Variants in SH3TC1 observed in about 807,000 individuals in gnomAD.
SH3TC1 encodes the protein SH3 domain and tetratricopeptide repeat-containing protein 1.
SH3TC1 carries 135 observed loss-of-function variants against 117.3 expected under a neutral mutation model. The observed-to-expected ratio is 1.15, with a 90% confidence interval of 1.00 to 1.33. SH3TC1 has a LOEUF of 1.33. Among genes scored for constraint, SH3TC1 ranks in the 40% most tolerant of loss-of-function variants. The pLI is 0.00. For missense variants in SH3TC1, 2,092 were observed against 1,794.3 expected (o/e 1.17, Z -3.00); for synonymous variants, 898 against 816.9 (o/e 1.10, Z -1.69).
intron 7 of SH3TC1, among the ~76,000 whole-genome samples, chr4:8,217,993 C>T (rs114501071): frequency 0.013 from 1,926 of 152,276 alleles, 35 homozygotes; most frequent in South Asian, 0.049. Flanking sequence ...TGGAGGTCTG[C>T]AGGGTTCCAG....
intron 2 of SH3TC1, among the ~76,000 whole-genome samples, chr4:8,207,318 G>A (rs571511328): frequency 6.6e-6 from 1 of 152,336 alleles, no homozygotes; most frequent in South Asian, 2.1e-4. Context: ...GTCTCTGGCT[G>A]GTGACGCTAA....
chr4:8,205,060 G>A lies in SH3TC1; in HGVS notation c.-28-107G>A, dbSNP rs1040665124. ...GGCTCGCTGGATCTGAAAGGTGCAG[G>A]CGCTCAGCAACGCTGGTGTTCTCTT... On this transcript the variant is annotated intron_variant, in intron 1 of 17. Transcript: ENST00000245105. The surrounding 1 kb of genome is among the most constrained non-coding windows in gnomAD (Gnocchi z 5.4). 6.8e-6 allele frequency: 6 copies of A among 884,870 alleles called. No individual in the cohort carries two copies. In the South Asian group the frequency reaches 1.1e-4, roughly 16 times the overall value. 54.8% of individuals were successfully genotyped at this position (884,870 alleles called of 1,614,324 possible). A position where few individuals can be genotyped will look rare whatever the true frequency, so the allele number is the denominator to read the frequency against.
chr4:8,218,849 G>A (rs889251544), intron 8 of SH3TC1, among the ~76,000 whole-genome samples: 4 of 152,206 alleles, frequency 2.6e-5, no homozygotes, highest in Non-Finnish European at 5.9e-5. Flanking sequence ...CTTGGATGCC[G>A]GGTCCAGCGC....
At chr4:8,235,830 A>C in intron 15 of SH3TC1, 1 of 390,408 alleles carries the variant, frequency 2.6e-6, no homozygotes, top group Non-Finnish European at 4.5e-6. Flanking sequence ...CAGATGAGGA[A>C]ACTGAGGCTC....
chr4:8,230,118 C>T (rs1383852865), intron 12 of SH3TC1, among the ~76,000 whole-genome samples: 1 of 152,190 alleles, frequency 6.6e-6, no homozygotes, highest in Non-Finnish European at 1.5e-5. Flanking sequence ...TACTTGTGGT[C>T]ATTTTTGAGT....
intron 14 of SH3TC1, among the ~76,000 whole-genome samples, chr4:8,234,871 C>A (rs1479546392): frequency 1.3e-5 from 2 of 152,250 alleles, no homozygotes; most frequent in African/African-American, 4.8e-5. Flanking sequence ...AATCTCCTTA[C>A]AAAATGCATC....
chr4:8,216,246 T>G lies in SH3TC1; in HGVS notation c.617T>G (p.Leu206Arg), dbSNP rs1452713137. 6.2e-7 allele frequency: 1 copy of G among 1,613,474 alleles called. No homozygotes were observed. The highest frequency in any genetic ancestry group is 1.1e-5 in the South Asian group (1 of 91,012). Residue 206 changes from leucine to arginine, a missense_variant, in exon 6 of 18, where the codon CTC (leucine) becomes CGC (arginine). By Grantham distance (102) the Leu-to-Arg change is moderately radical. Transcript: ENST00000245105. Reference sequence around the variant, plus strand: ...TTAAGGCTGACCCACGAGAGCCTCCTCATCCAAGAAGGTGAGCGTTGCATG... The same window carrying G: ...TTAAGGCTGACCCACGAGAGCCTCCGCATCCAAGAAGGTGAGCGTTGCATG... Reference protein sequence around the residue: ...NALRLTHESLLIQEGPFFVLC... With the variant: ...NALRLTHESLRIQEGPFFVLC...
At chr4:8,201,357 TTGG>T (rs1717827115) in intron 1 of SH3TC1, 1 of 152,372 alleles carries the variant, frequency 6.6e-6, no homozygotes, top group Non-Finnish European at 1.5e-5. Context: ...ACACCGGGGT[TTGG>T]CCCCACGTCT....
At chr4:8,191,310 G>A (rs759290426) in intron 1 of SH3TC1, among the ~76,000 whole-genome samples, 14 of 152,170 alleles carry the variant, frequency 9.2e-5, no homozygotes, top group Non-Finnish European at 1.8e-4. Context: ...GCCAGTTCGG[G>A]GGTGGGTGTC....
At chr4:8,185,363 T>C (rs1717190638) in intron 1 of SH3TC1, among the ~76,000 whole-genome samples, 2 of 151,830 alleles carry the variant, frequency 1.3e-5, no homozygotes, top group African/African-American at 4.8e-5. Context: ...GCGCACACAT[T>C]AAGGCTCCCT....
chr4:8,227,900 C>T lies in SH3TC1; in HGVS notation c.2206C>T (p.Arg736Trp), dbSNP rs111740526. ...GAGCTGTGTCAAGGTGGCCTCATTG[C>T]GGACACGGGGCTCGCTGGCCGGCTC... ...VLSCVKVASL[R>W]TRGSLAGSLR... Residue 736 changes from arginine to tryptophan, a missense_variant, in exon 12 of 18, where the codon CGG becomes TGG. Physicochemically the swap from Arg to Trp is moderately radical, Grantham distance 101. Transcript: ENST00000245105. 1.3e-5 allele frequency: 21 copies of T among 1,612,684 alleles called. No individual in the cohort carries two copies. Among genetic ancestry groups the T allele is most frequent in the Middle Eastern group, 3.3e-4 (2 of 6,084 alleles).
rs1024439224 is a variant in SH3TC1 at position 8,209,916 on chromosome 4, G to A, written c.247+94G>A. 1 of 1,303,780 alleles carries A rather than the reference G, an allele frequency of 7.7e-7. No homozygotes were observed. The highest frequency in any genetic ancestry group is 2.3e-5 in the Admixed American group (1 of 43,886). The allele number at this position is 1,303,780 out of a possible 1,614,324, so 80.8% of individuals were successfully genotyped here. A position where few individuals can be genotyped will look rare whatever the true frequency, so the allele number is the denominator to read the frequency against. ...AGAGTCCAACCCAGGGCTTCTCAAAGTGTGGCCTCAGACTTCCCACCTTAA... is the reference window on the plus strand; with the variant it reads ...AGAGTCCAACCCAGGGCTTCTCAAAATGTGGCCTCAGACTTCCCACCTTAA... On this transcript the variant is annotated intron_variant, in intron 3 of 17. Coordinates refer to ENST00000245105, the MANE Select transcript of SH3TC1 (RefSeq NM_018986.5). This position sits in a 1 kb window ranked among gnomAD's most constrained non-coding sequence, Gnocchi z 5.9.
At chr4:8,185,880 T>G (rs973847832) in intron 1 of SH3TC1, among the ~76,000 whole-genome samples, 1 of 152,148 alleles carries the variant, frequency 6.6e-6, no homozygotes, top group African/African-American at 2.4e-5. Context: ...CGTTGGTCAT[T>G]TGCCCTCAGA....
intron 1 of SH3TC1, among the ~76,000 whole-genome samples, chr4:8,204,020 C>A (rs1373249372): frequency 6.6e-6 from 1 of 152,186 alleles, no homozygotes; most frequent in Non-Finnish European, 1.5e-5. Flanking sequence ...CGGACGGAGG[C>A]CCTGGCAAGC....
intron 7 of SH3TC1, 87 bp from the exon 8 acceptor site, chr4:8,218,184 G>A (rs923275014): frequency 4.3e-6 from 4 of 925,490 alleles, no homozygotes; most frequent in African/African-American, 1.6e-5. Flanking sequence ...GGTTGCTGGG[G>A]GCTGCTGGCC....
chr4:8,226,862 T>C, intron 11 of SH3TC1, 118 bp from the exon 12 acceptor site: 1 of 631,924 alleles, frequency 1.6e-6, no homozygotes, highest in Non-Finnish European at 2.5e-6. Flanking sequence ...TAGGGTGGTA[T>C]CGTCTGGAAA....
chr4:8,205,167 G>C lies in SH3TC1; in HGVS notation c.-28G>C. ...CTGACCACACCCCCTCTGTCCACAGGGCCAGGCATGTGAGGTCTCTGCGGG... is the reference window on the plus strand; with the variant it reads ...CTGACCACACCCCCTCTGTCCACAGCGCCAGGCATGTGAGGTCTCTGCGGG... On this transcript the variant is annotated splice_region_variant and 5_prime_UTR_variant, in exon 2 of 18. Coordinates refer to ENST00000245105, the MANE Select transcript of SH3TC1 (RefSeq NM_018986.5). The surrounding 1 kb of genome is among the most constrained non-coding windows in gnomAD (Gnocchi z 5.4). 4 of 1,484,050 alleles carry C rather than the reference G, an allele frequency of 2.7e-6. No homozygotes were observed. The highest frequency in any genetic ancestry group is 1.8e-6 in the Non-Finnish European group (2 of 1,116,728). The allele number at this position is 1,484,050 out of a possible 1,614,324, so 91.9% of individuals were successfully genotyped here.
intron 7 of SH3TC1, among the ~76,000 whole-genome samples, chr4:8,217,427 G>T (rs1479970677): frequency 6.6e-6 from 1 of 152,260 alleles, no homozygotes; most frequent in East Asian, 1.9e-4. Context: ...CACAGGAGAT[G>T]TGGCATGAGC....
rs80188752 is a variant in SH3TC1, at chr4:8,206,936, T to C, written c.172+1570T>C. Among the ~76,000 whole-genome samples the C allele has an allele frequency of 7.9e-5, 12 of 152,156 alleles. No homozygotes were observed. Among genetic ancestry groups the C allele is most frequent in the Admixed American group, 2.6e-4 (4 of 15,276 alleles). The stretch of plus-strand genomic sequence containing the variant: ...GCCCCTTCATCCTAAAAGGTGTCCA[T>C]ATTTCCTAAAACCAGTACATTCTCT... On this transcript the variant is annotated intron_variant, in intron 2 of 17. Coordinates refer to ENST00000245105, the MANE Select transcript of SH3TC1 (RefSeq NM_018986.5). This position sits in a 1 kb window ranked among gnomAD's most constrained non-coding sequence, Gnocchi z 5.5.
Sources: allele counts gnomAD v4.1 joint callset (sites outside exome capture counted in the v4.1 genomes callset), GRCh38; gene constraint gnomAD v4.1.1; non-coding constraint Gnocchi (gnomAD v3.1); transcripts MANE v1.5; gene names NCBI Gene and HGNC (gene_info 2026-07-23, HGNC 2026-07-21).